GLE1: variants seen among roughly 807,000 people sequenced by gnomAD.
The protein encoded by GLE1 is GLE1 RNA export mediator, also known as mRNA export factor GLE1.
Under a neutral mutation model 97.3 loss-of-function variants are expected in GLE1, and 78 were observed. The ratio of observed to expected loss-of-function variants is 0.80; its 90% CI spans 0.67 to 0.97. The LOEUF (loss-of-function observed/expected upper bound fraction) is 0.97, where lower values mean the gene tolerates loss of function less well. Among genes scored for constraint, GLE1 ranks in the 50% least tolerant of loss-of-function variants. The probability of loss-of-function intolerance (pLI) is 0.00; values close to 1 mark genes in which losing one functional copy is unlikely to be tolerated. For missense variants in GLE1, 753 were observed against 857.5 expected, an observed-to-expected ratio of 0.88 and a Z score of 1.52; for synonymous variants, 302 against 313.4, an observed-to-expected ratio of 0.96 and a Z score of 0.39.
At chr9:128,515,016 T>C (rs1846939145) in intron 2 of GLE1, among the ~76,000 whole-genome samples, 1 of 152,054 alleles carries the variant, frequency 6.6e-6, no homozygotes, top group Non-Finnish European at 1.5e-5. Flanking sequence ...GGACGGGGTT[T>C]CACCATGTTG....
chr9:128,540,953 A>T, intron 15 of GLE1, 149 bp from the exon 16 acceptor site: 1 of 676,178 alleles, frequency 1.5e-6, no homozygotes, highest in Non-Finnish European at 2.7e-6. Flanking sequence ...CATCTTATAC[A>T]GAACCATCAG....
intron 7 of GLE1, among the ~76,000 whole-genome samples, chr9:128,526,348 GTTTTGT>G (rs1021153074): frequency 1.1e-4 from 17 of 149,946 alleles, no homozygotes; most frequent in African/African-American, 3.7e-4. Flanking sequence ...TTTTTGGTGT[GTTTTGT>G]TTTTGTTTTT....
intron 13 of GLE1, 44 bp from the exon 14 acceptor site, chr9:128,539,572 G>C (rs747812383): frequency 5.7e-6 from 9 of 1,566,152 alleles, no homozygotes; most frequent in Non-Finnish European, 7.9e-6. Context: ...CTGTGAGTGT[G>C]AATTTTCATT....
chr9:128,539,233 C>CA (rs565651529), intron 13 of GLE1, among the ~76,000 whole-genome samples: 9 of 149,866 alleles, frequency 6.0e-5, no homozygotes, highest in East Asian at 2.0e-4. Flanking sequence ...GACCCTATTT[C>CA]AAAAAAAAAT....
chr9:128,540,359 C>T (rs373473457), intron 15 of GLE1, 21 bp downstream of exon 15: 2 of 1,517,452 alleles, frequency 1.3e-6, no homozygotes, highest in African/African-American at 1.4e-5. Flanking sequence ...CTTAGACCAA[C>T]ATGCCCCACA....
chr9:128,507,090 C>G (rs947473364), intron 1 of GLE1, among the ~76,000 whole-genome samples: 2 of 152,086 alleles, frequency 1.3e-5, no homozygotes, highest in Admixed American at 1.3e-4. Flanking sequence ...TGCAGAGACC[C>G]CTGGTTTCCT....
intron 1 of GLE1, 113 bp downstream of exon 1, chr9:128,505,017 A>G (rs1286171841): frequency 1.4e-6 from 1 of 726,036 alleles, no homozygotes; most frequent in East Asian, 2.6e-5. Context: ...AACAACCTGC[A>G]TTTATTTCTT....
chr9:128,536,404 T>G lies in GLE1; in HGVS notation c.1696T>G (p.Phe566Val). 6.2e-7 allele frequency: 1 copy of G among 1,614,012 alleles called. No homozygotes were observed. The highest frequency in any genetic ancestry group is 8.5e-7 in the Non-Finnish European group (1 of 1,179,932). ...KDSKVEQQDN[F>V]LKRMSGMIRL... ...TTCCAAAGTGGAGCAGCAAGACAAC[T>G]TTCTAAAACGCATGTCAGGGATGAT... The change falls in exon 12 of 16, where the codon TTT becomes GTT. Residue 566 changes from phenylalanine (F) to valine (V), a missense_variant. Physicochemically the swap from Phe to Val is conservative, Grantham distance 50 (BLOSUM62 -1). Coordinates refer to ENST00000309971, the MANE Select transcript of GLE1 (RefSeq NM_001003722.2).
At chr9:128,534,006 A>G (rs961687911) in intron 11 of GLE1, 55 bp downstream of exon 11, 3 of 1,151,336 alleles carry the variant, frequency 2.6e-6, no homozygotes, top group Middle Eastern at 2.2e-4. Context: ...TGAAATATAA[A>G]TAGAATTGGA....
At chr9:128,523,513 C>T in intron 5 of GLE1, 79 bp from the exon 6 acceptor site, 1 of 1,555,382 alleles carries the variant, frequency 6.4e-7, no homozygotes, top group Non-Finnish European at 8.9e-7. Context: ...AAATATGTAG[C>T]CCACGTAGAA....
chr9:128,533,837 AG>A lies in GLE1; in HGVS notation c.1533del (p.Glu511AspfsTer45). On this transcript the variant is annotated frameshift_variant, in exon 11 of 16. Coordinates refer to ENST00000309971, the MANE Select transcript of GLE1 (RefSeq NM_001003722.2). LOFTEE classifies it high-confidence loss of function. ...GCAGTTGTGGCATCCGGGATCTGGGAGCTCCACCCCAGAGTGGGGGACCTCA... is the reference window on the plus strand; with the variant it reads ...GCAGTTGTGGCATCCGGGATCTGGGACTCCACCCCAGAGTGGGGGACCTCA... Reference protein sequence around the residue: ...PIAVVASGIWELHPRVGDLIL... With the variant: ...PIAVVASGIWXLHPRVGDLIL... 6.2e-7 allele frequency: 1 copy of A among 1,612,254 alleles called. No homozygotes were observed. Among genetic ancestry groups the A allele is most frequent in the Non-Finnish European group, 8.5e-7 (1 of 1,178,282 alleles).
intron 3 of GLE1, among the ~76,000 whole-genome samples, chr9:128,522,374 C>T (rs752926934): frequency 3.9e-5 from 6 of 152,082 alleles, no homozygotes; most frequent in South Asian, 2.1e-4. Flanking sequence ...TAAACATTTT[C>T]GGCCGGGCGA....
intron 12 of GLE1, among the ~76,000 whole-genome samples, chr9:128,537,365 A>G (rs1188560297): frequency 6.7e-6 from 1 of 149,262 alleles, no homozygotes; most frequent in Admixed American, 6.8e-5. Flanking sequence ...AGGCACGAGA[A>G]TCGCTTTAAC....
chr9:128,535,335 A>G (rs1200460130), intron 11 of GLE1, among the ~76,000 whole-genome samples: 2 of 151,752 alleles, frequency 1.3e-5, no homozygotes, highest in Non-Finnish European at 2.9e-5. Context: ...AGCCTGGCCA[A>G]TATGGGGAAA....
chr9:128,530,582 A>C (rs533831161), intron 9 of GLE1, among the ~76,000 whole-genome samples: 4 of 152,260 alleles, frequency 2.6e-5, no homozygotes, highest in Non-Finnish European at 5.9e-5. Context: ...GCGTTTAATG[A>C]ATAGGAGGGA....
At chr9:128,506,238 G>A (rs1011671736) in intron 1 of GLE1, among the ~76,000 whole-genome samples, 1 of 151,996 alleles carries the variant, frequency 6.6e-6, no homozygotes, top group African/African-American at 2.4e-5. Context: ...CCAGCTACTC[G>A]GGAGACTGAG....
intron 9 of GLE1, among the ~76,000 whole-genome samples, chr9:128,528,237 C>A (rs1847366354): frequency 6.6e-6 from 1 of 151,704 alleles, no homozygotes; most frequent in African/African-American, 2.4e-5. Context: ...ATCTCCTGAC[C>A]TGGTGATCCA....
At chr9:128,530,855 G>A (rs941045685) in intron 9 of GLE1, among the ~76,000 whole-genome samples, 1 of 144,328 alleles carries the variant, frequency 6.9e-6, no homozygotes. Context: ...CTTGCAGTGC[G>A]CCGAGATAGC....
Position 128,523,353 on chromosome 9 carries a change from C to T in GLE1, c.642+13C>T, listed in dbSNP as rs761944507. 2 of 1,607,630 alleles carry T rather than the reference C, an allele frequency of 1.2e-6. No homozygotes were observed. The highest frequency in any genetic ancestry group is 2.7e-5 in the African/African-American group (2 of 74,882). ...TCACAGAGCAAAGGTCAGAGCCTGG[C>T]AGAATTGGTGTGGGTGTTTTGGTGT... On this transcript the variant is annotated intron_variant, in intron 5 of 15. Coordinates refer to ENST00000309971, the MANE Select transcript of GLE1 (RefSeq NM_001003722.2).
Sources: gnomAD v4.1 joint callset for allele counts (sites outside exome capture counted in the v4.1 genomes callset) on GRCh38, gnomAD v4.1.1 for gene constraint, MANE v1.5 for transcripts, NCBI Gene and HGNC (gene_info 2026-07-23, HGNC 2026-07-21) for gene names.